TEX11: variants seen among roughly 807,000 people sequenced by gnomAD.
TEX11 encodes testis-expressed protein 11.
Under a neutral mutation model 84.4 loss-of-function variants are expected in TEX11, and 7 were observed. The observed-to-expected ratio is 0.08, with a 90% CI of 0.05 to 0.16. TEX11 has a LOEUF of 0.16. Among genes scored for constraint, TEX11 ranks in the 10% least tolerant of loss-of-function variants. TEX11 has a pLI of 1.00. For synonymous variants in TEX11, 264 were observed against 222.8 expected, an observed-to-expected ratio of 1.18 and a Z score of -1.64; for missense variants, 551 against 660.5, an observed-to-expected ratio of 0.83 and a Z score of 1.82.
rs146963132 is a variant in TEX11, at chrX:70,563,844, G to A, written c.2141-9044C>T. Among the ~76,000 whole-genome samples, 763 of 112,336 alleles carry A rather than the reference G, an allele frequency of 6.8e-3. 24 individuals are homozygous for A. In the East Asian group the frequency reaches 0.11, roughly 17 times the overall value. On this transcript the variant is annotated intron_variant, in intron 25 of 29. Coordinates refer to ENST00000374333, the MANE Select transcript of TEX11 (RefSeq NM_031276.3). ...TTTGAATGTTGAATTCCTGGGATAA[G>A]CAATATTGGTCATGATGCAGTATCC...
chrX:70,803,139 TAAAC>T (rs1347825345), intron 9 of TEX11, among the ~76,000 whole-genome samples: 2 of 111,950 alleles, frequency 1.8e-5, no homozygotes, highest in African/African-American at 3.2e-5. Context: ...GGTATTTTAT[TAAAC>T]AAACAAACAA....
rs762345500 is a variant in TEX11, at chrX:70,552,402, A to AT, written c.2400-157dup. ...TCTGGCCTCCAACCTCAGAAGACAG[A>AT]TTTTTGAAGCTGTAAAACAGGTTGA... On this transcript the variant is annotated intron_variant, in intron 27 of 29. Transcript: ENST00000374333. 3.6e-5 allele frequency among the ~76,000 whole-genome samples: 4 copies of AT among 112,438 alleles called. No individual in the cohort carries two copies. In the South Asian group the frequency reaches 1.5e-3, roughly 41 times the overall value.
intron 9 of TEX11, among the ~76,000 whole-genome samples, chrX:70,752,542 A>AG (rs2090835831): frequency 9.3e-6 from 1 of 107,283 alleles, no homozygotes; most frequent in South Asian, 4.0e-4. Context: ...AAAAAAAAAA[A>AG]AAAGAAAAGA....
At chrX:70,705,227 C>T (rs1178582935) in intron 13 of TEX11, among the ~76,000 whole-genome samples, 2 of 111,291 alleles carry the variant, frequency 1.8e-5, no homozygotes, top group African/African-American at 3.3e-5. Context: ...AGTCAGGTAG[C>T]GTGATGCCTC....
At position 70,682,774 on chromosome X, in the gene TEX11, T is replaced by C; in HGVS notation, c.1056A>G (p.Ser352=). The C allele has an allele frequency of 1.7e-6, 2 of 1,210,340 alleles. No homozygotes were observed. The highest frequency in any genetic ancestry group is 3.0e-5 in the East Asian group (1 of 33,775). Residue 352 remains serine (S), a synonymous_variant, in exon 14 of 30, where the codon TCA becomes TCG. Transcript: ENST00000374333. ...FLTIIHERFK[S]SENIGKVLIL... ...TCAGAACTTTTCCAATATTTTCCGA[T>C]GACTTAAAACGTTCATGAATAATCG...
chrX:70,657,626 G>A (rs949462882), intron 16 of TEX11, among the ~76,000 whole-genome samples: 4 of 109,701 alleles, frequency 3.6e-5, no homozygotes, highest in South Asian at 4.0e-4. Context: ...ACATGCACAC[G>A]TATGTTTATT....
intron 16 of TEX11, among the ~76,000 whole-genome samples, chrX:70,657,419 G>A (rs983194454): frequency 7.9e-4 from 82 of 104,438 alleles, no homozygotes; most frequent in African/African-American, 2.7e-3. Flanking sequence ...AAACAGTAAA[G>A]CTTTAAGGTA....
At chrX:70,835,796 T>C (rs73213089) in intron 7 of TEX11, among the ~76,000 whole-genome samples, 11,682 of 111,334 alleles carry the variant, frequency 0.1, 569 homozygotes, top group Middle Eastern at 0.23. Context: ...TATTCAAAAA[T>C]GTGTACATTT....
chrX:70,900,581 C>T (rs747089832), intron 2 of TEX11, among the ~76,000 whole-genome samples: 34 of 109,146 alleles, frequency 3.1e-4, no homozygotes, highest in African/African-American at 9.3e-4. Context: ...CAAACCAAAC[C>T]CAAAGTTAGT....
At chrX:70,811,311 T>G (rs926484722) in intron 8 of TEX11, among the ~76,000 whole-genome samples, 2 of 110,657 alleles carry the variant, frequency 1.8e-5, no homozygotes, top group African/African-American at 6.6e-5. Flanking sequence ...TTGCTGAGAA[T>G]GATGGTTTCC....
intron 9 of TEX11, among the ~76,000 whole-genome samples, chrX:70,782,645 C>CAAAAAAAAAAAAA (rs780011355): frequency 6.2e-4 from 18 of 28,896 alleles, no homozygotes; most frequent in Non-Finnish European, 7.0e-4. Context: ...AAATGGAAAG[C>CAAAAAAAAAAAAA]AAAAAAAAAA....
rs1263293939 is a variant in TEX11 at position 70,529,085 on chromosome X, A to T, written c.*10T>A. The T allele has an allele frequency of 8.4e-7, 1 of 1,197,351 alleles. No homozygotes were observed. Among genetic ancestry groups the T allele is most frequent in the East Asian group, 3.0e-5 (1 of 33,786 alleles). On this transcript the variant is annotated 3_prime_UTR_variant, in exon 30 of 30. Coordinates refer to ENST00000374333, the MANE Select transcript of TEX11 (RefSeq NM_031276.3). ...GACAATGTATCTTCTTCATGTGGCC[A>T]TGAGCTTGCCTAATCTGACTTGCTC...
chrX:70,633,845 G>C (rs893604784), intron 17 of TEX11, among the ~76,000 whole-genome samples: 2 of 111,816 alleles, frequency 1.8e-5, no homozygotes, highest in South Asian at 7.5e-4. Context: ...TTGAACCCAG[G>C]AGGTGGAGGT....
At chrX:70,616,822 T>C (rs1227028586) in intron 20 of TEX11, among the ~76,000 whole-genome samples, 2 of 110,964 alleles carry the variant, frequency 1.8e-5, no homozygotes, top group Non-Finnish European at 1.9e-5. Flanking sequence ...GAGCCAAAAA[T>C]TAAAACAATT....
At chrX:70,703,084 T>A (rs1388517815) in intron 13 of TEX11, among the ~76,000 whole-genome samples, 1 of 111,221 alleles carries the variant, frequency 9.0e-6, no homozygotes, top group Non-Finnish European at 1.9e-5. Flanking sequence ...TATCTCTATT[T>A]TTAAAATGAG....
At chrX:70,611,622 C>CTGT (rs1326545691) in intron 20 of TEX11, among the ~76,000 whole-genome samples, 2 of 111,634 alleles carry the variant, frequency 1.8e-5, no homozygotes, top group Non-Finnish European at 3.8e-5. Flanking sequence ...CCAGAGCACC[C>CTGT]TGTTCTTAAC....
chrX:70,671,910 T>TATATATATATATATATAAACAC (rs57166359), intron 15 of TEX11, among the ~76,000 whole-genome samples: 1 of 67,983 alleles, frequency 1.5e-5, no homozygotes, highest in Admixed American at 2.1e-4. Flanking sequence ...TATATATATA[T>TATATATATATATATATAAACAC]ACACACACAC....
At chrX:70,787,741 A>C (rs1270883074) in intron 9 of TEX11, among the ~76,000 whole-genome samples, 3 of 111,946 alleles carry the variant, frequency 2.7e-5, no homozygotes, top group Non-Finnish European at 5.6e-5. Context: ...AAATTGTATC[A>C]GATGCTGACA....
At chrX:70,866,409 CAA>C (rs201707772) in intron 4 of TEX11, among the ~76,000 whole-genome samples, 11 of 91,925 alleles carry the variant, frequency 1.2e-4, no homozygotes, top group African/African-American at 2.0e-4. Flanking sequence ...GCCTACCAAC[CAA>C]AAAAAAAAAA....
Sources: allele counts gnomAD v4.1 joint callset (sites outside exome capture counted in the v4.1 genomes callset), GRCh38; gene constraint gnomAD v4.1.1; transcripts MANE v1.5; gene names NCBI Gene and HGNC (gene_info 2026-07-23, HGNC 2026-07-21).